Variants in RBFOX1 observed in about 807,000 individuals in gnomAD.
The protein encoded by RBFOX1 is RNA binding protein fox-1 homolog 1.
In RBFOX1, 8 loss-of-function variants were observed where a neutral mutation model predicts 57.7. The ratio of observed to expected loss-of-function variants is 0.14; its 90% CI spans 0.08 to 0.25. The LOEUF (loss-of-function observed/expected upper bound fraction) is 0.25, where lower values mean the gene tolerates loss of function less well. Among genes scored for constraint, RBFOX1 ranks in the 10% least tolerant of loss-of-function variants. The probability of loss-of-function intolerance (pLI) is 1.00; values close to 1 mark genes in which losing one functional copy is unlikely to be tolerated. For synonymous variants in RBFOX1, 326 were observed against 222.4 expected, an observed-to-expected ratio of 1.47 and a Z score of -4.15; for missense variants, 611 against 548.5, an observed-to-expected ratio of 1.11 and a Z score of -1.14.
intron 4 of RBFOX1, among the ~76,000 whole-genome samples, chr16:7,272,238 G>T (rs953431504): frequency 7.2e-5 from 11 of 152,188 alleles, no homozygotes; most frequent in Non-Finnish European, 1.5e-4. Context: ...GAGCTGGAGT[G>T]CATTGGTATC....
In RBFOX1 at chr16:7,698,183, GGTGTGT is replaced by G. The variant is rs59239865; in HGVS notation, c.996-10846_996-10841del. ...TTGTTTTAGACACAGAGTCCAAGAGGGTGTGTGTGTGTGTGTGTGTGTGTGTGTGTG... is the reference window on the plus strand; with the variant it reads ...TTGTTTTAGACACAGAGTCCAAGAGGGTGTGTGTGTGTGTGTGTGTGTGTG... On this transcript the variant is annotated intron_variant, in intron 14 of 15. Coordinates refer to ENST00000550418, the MANE Select transcript of RBFOX1 (RefSeq NM_018723.4). Among the ~76,000 whole-genome samples the G allele has an allele frequency of 5.1e-3, 696 of 136,206 alleles. 6 individuals carry two copies. The highest frequency in any genetic ancestry group is 0.016 in the African/African-American group (613 of 37,462). The allele number at this position is 136,206 out of a possible 152,430, so 89.4% of individuals were successfully genotyped here.
chr16:5,414,090 A>C (rs147357571), intron 1 of RBFOX1, among the ~76,000 whole-genome samples: 2 of 152,184 alleles, frequency 1.3e-5, no homozygotes, highest in African/African-American at 4.8e-5. Flanking sequence ...ACAACACTCA[A>C]TGATGAGATA....
intron 2 of RBFOX1, chr16:6,483,821 TTAGAA>T: frequency 7.4e-7 from 1 of 1,345,886 alleles, no homozygotes; most frequent in East Asian, 2.9e-5. Context: ...GGGCTGCTGA[TTAGAA>T]TAGGGGACTT....
intron 2 of RBFOX1, among the ~76,000 whole-genome samples, chr16:6,639,610 CT>C (rs2098470799): frequency 6.6e-6 from 1 of 152,184 alleles, no homozygotes; most frequent in East Asian, 1.9e-4. Context: ...GGCACGGTGG[CT>C]CACGCCTGTA....
At chr16:5,802,550 G>C (rs181869760) in intron 3 of RBFOX1, among the ~76,000 whole-genome samples, 1 of 152,186 alleles carries the variant, frequency 6.6e-6, no homozygotes, top group Non-Finnish European at 1.5e-5. Context: ...AGGTGGAACT[G>C]CTTGTTAACC....
At chr16:5,653,405 G>A (rs538130369) in intron 3 of RBFOX1, among the ~76,000 whole-genome samples, 3 of 148,812 alleles carry the variant, frequency 2.0e-5, no homozygotes, top group Admixed American at 6.7e-5. Context: ...GTGCTGAGCC[G>A]TGTGCTGGGT....
chr16:7,318,158 A>G (rs1043494346), intron 4 of RBFOX1, among the ~76,000 whole-genome samples: 5 of 151,038 alleles, frequency 3.3e-5, no homozygotes, highest in Admixed American at 2.6e-4. Context: ...TGGTAATGGT[A>G]GTGACGGTGG....
intron 3 of RBFOX1, among the ~76,000 whole-genome samples, chr16:5,634,618 C>G (rs375991512): frequency 5.3e-5 from 8 of 152,176 alleles, no homozygotes; most frequent in African/African-American, 1.9e-4. Context: ...ATCATTTAAG[C>G]TGAAGGAAAG....
chr16:6,037,551 G>A (rs561562778), intron 1 of RBFOX1: 2 of 149,682 alleles, frequency 1.3e-5, no homozygotes, highest in African/African-American at 4.9e-5. Flanking sequence ...ACAGTCCGTT[G>A]AATGCATTTT....
intron 3 of RBFOX1, among the ~76,000 whole-genome samples, chr16:6,676,673 CTTTTTTTT>C (rs756578276): frequency 9.7e-6 from 1 of 103,550 alleles, no homozygotes; most frequent in Admixed American, 1.2e-4. Context: ...TTTTTCTTTT[CTTTTTTTT>C]TTTTTTTTTT....
chr16:5,649,731 A>G (rs778398649), intron 3 of RBFOX1, among the ~76,000 whole-genome samples: 7 of 152,206 alleles, frequency 4.6e-5, no homozygotes, highest in African/African-American at 7.2e-5. Flanking sequence ...TCTCTTTTCA[A>G]CAAACACAAA....
At chr16:5,735,475 T>G (rs1478616234) in intron 3 of RBFOX1, among the ~76,000 whole-genome samples, 1 of 152,214 alleles carries the variant, frequency 6.6e-6, no homozygotes, top group Non-Finnish European at 1.5e-5. Flanking sequence ...GGACATCTGT[T>G]TTGCCATGCC....
At chr16:5,397,676 A>G (rs1329144761) in intron 1 of RBFOX1, among the ~76,000 whole-genome samples, 2 of 152,250 alleles carry the variant, frequency 1.3e-5, no homozygotes, top group East Asian at 3.8e-4. Flanking sequence ...GACTTAAGAG[A>G]CACATCACCC....
intron 2 of RBFOX1, among the ~76,000 whole-genome samples, chr16:5,579,353 C>G (rs750362129): frequency 2.0e-5 from 3 of 152,116 alleles, no homozygotes; most frequent in African/African-American, 7.2e-5. Flanking sequence ...TTCCTAATCT[C>G]CTCTTTCTCA....
At chr16:7,226,552 G>A (rs576832716) in intron 4 of RBFOX1, among the ~76,000 whole-genome samples, 10 of 152,286 alleles carry the variant, frequency 6.6e-5, no homozygotes, top group African/African-American at 2.4e-4. Context: ...TCTCTCAATG[G>A]TGCCTCCATA....
At chr16:5,567,474 A>G (rs2046112514) in intron 2 of RBFOX1, among the ~76,000 whole-genome samples, 1 of 152,064 alleles carries the variant, frequency 6.6e-6, no homozygotes, top group African/African-American at 2.4e-5. Flanking sequence ...GGAAGCATGA[A>G]GCATCCAGCG....
At chr16:6,089,101 C>A (rs1314934728) in intron 1 of RBFOX1, among the ~76,000 whole-genome samples, 1 of 149,502 alleles carries the variant, frequency 6.7e-6, no homozygotes, top group Admixed American at 6.7e-5. Flanking sequence ...ATATATGATC[C>A]TAAAAAGACA....
chr16:5,272,843 C>T (rs2063048483), intron 1 of RBFOX1, among the ~76,000 whole-genome samples: 1 of 152,126 alleles, frequency 6.6e-6, no homozygotes, highest in Non-Finnish European at 1.5e-5. Flanking sequence ...TTCTCTGCAA[C>T]GAATCCCAAA....
At chr16:6,992,014 C>T (rs1285785748) in intron 3 of RBFOX1, among the ~76,000 whole-genome samples, 3 of 152,020 alleles carry the variant, frequency 2.0e-5, no homozygotes, top group Admixed American at 6.5e-5. Context: ...ATGAAAACTA[C>T]ACCTTGAAAA....
Sources: allele counts gnomAD v4.1 joint callset (sites outside exome capture counted in the v4.1 genomes callset), GRCh38; gene constraint gnomAD v4.1.1; transcripts MANE v1.5; gene names NCBI Gene and HGNC (gene_info 2026-07-23, HGNC 2026-07-21).